Variants in NUP210 observed in about 807,000 individuals in gnomAD.
The protein encoded by NUP210 is nuclear pore membrane glycoprotein 210.
A neutral mutation model predicts 196.0 loss-of-function variants in NUP210; 151 were observed. The observed-to-expected ratio is 0.77, with a 90% CI of 0.67 to 0.88. The LOEUF (loss-of-function observed/expected upper bound fraction) is 0.88, where lower values mean the gene tolerates loss of function less well. NUP210 is among the 40% of genes least tolerant of loss of function. The pLI is 0.00. For missense variants in NUP210, 2,314 were observed against 2,493.7 expected, an observed-to-expected ratio of 0.93 and a Z score of 1.53; for synonymous variants, 1,070 against 1,052.7, an observed-to-expected ratio of 1.02 and a Z score of -0.32.
intron 1 of NUP210, among the ~76,000 whole-genome samples, chr3:13,407,339 C>T (rs1389506747): frequency 1.3e-5 from 2 of 152,158 alleles, no homozygotes; most frequent in African/African-American, 2.4e-5. Flanking sequence ...GAGTTCAAGG[C>T]ATTGTGATTA....
At chr3:13,416,429 G>A (rs1700351270) in intron 1 of NUP210, among the ~76,000 whole-genome samples, 1 of 152,214 alleles carries the variant, frequency 6.6e-6, no homozygotes, top group Non-Finnish European at 1.5e-5. Flanking sequence ...TTCCCCAGGG[G>A]AACCAATGGC....
At position 13,335,492 on chromosome 3, in the gene NUP210, C is replaced by A. The variant is rs1697175172; in HGVS notation, c.3805G>T (p.Gly1269Cys). ...AVDPTSGQLYGLARELSDEIQ... is the reference protein window; with the variant it reads ...AVDPTSGQLYCLARELSDEIQ... Reference sequence around the variant, plus strand: ...TCATCCGAGAGTTCTCTGGCCAGGCCATACAGCTGCCCCGATGTGGGGTCC... The same window carrying A: ...TCATCCGAGAGTTCTCTGGCCAGGCAATACAGCTGCCCCGATGTGGGGTCC... Residue 1269 changes from glycine (G) to cysteine (C), a missense_variant, in exon 28 of 40, where the codon GGC (glycine) becomes TGC (cysteine). Physicochemically the swap from Gly to Cys is radical, Grantham distance 159. Coordinates refer to ENST00000254508, the MANE Select transcript of NUP210 (RefSeq NM_024923.4). 5 of 1,614,100 alleles carry A rather than the reference C, an allele frequency of 3.1e-6. No homozygotes were observed. Among genetic ancestry groups the A allele is most frequent in the Non-Finnish European group, 4.2e-6 (5 of 1,180,020 alleles).
At chr3:13,380,116 T>C (rs1576401590) in intron 6 of NUP210, among the ~76,000 whole-genome samples, 1 of 152,304 alleles carries the variant, frequency 6.6e-6, no homozygotes, top group East Asian at 1.9e-4. Context: ...CAAGAAGCTC[T>C]GGTCACTGGT....
intron 26 of NUP210, chr3:13,337,146 T>A (rs1192716861): frequency 4.6e-6 from 2 of 431,066 alleles, no homozygotes; most frequent in Non-Finnish European, 8.7e-6. Flanking sequence ...CACCTCTCCA[T>A]GGCCAAGATA....
chr3:13,378,466 G>A (rs1257762285), intron 8 of NUP210, among the ~76,000 whole-genome samples: 2 of 152,242 alleles, frequency 1.3e-5, no homozygotes, highest in East Asian at 3.8e-4. Flanking sequence ...CGCAAAAGAA[G>A]CTCTGTCTGA....
chr3:13,377,285 C>T (rs1009634304), intron 9 of NUP210, among the ~76,000 whole-genome samples, 171 bp downstream of exon 9: 2 of 152,166 alleles, frequency 1.3e-5, no homozygotes, highest in Non-Finnish European at 2.9e-5. Context: ...GGAGATGCCC[C>T]GGGATGCCTC....
rs1699484815 is a variant in NUP210 at position 13,391,312 on chromosome 3, A to G, written c.437-5T>C. On this transcript the variant is annotated splice_region_variant and splice_polypyrimidine_tract_variant and intron_variant, in intron 3 of 39. Coordinates refer to ENST00000254508, the MANE Select transcript of NUP210 (RefSeq NM_024923.4). ...CCAGAGTGCTGAAGGTGTTCCCTAT[A>G]AGAGCAGATGGGAGAGGCAGACAGA... 3 of 1,594,388 alleles carry G rather than the reference A, an allele frequency of 1.9e-6. No homozygotes were observed. Among genetic ancestry groups the G allele is most frequent in the East Asian group, 2.3e-5 (1 of 44,186 alleles).
intron 4 of NUP210, among the ~76,000 whole-genome samples, chr3:13,389,200 G>C (rs1699396851): frequency 6.6e-6 from 1 of 152,208 alleles, no homozygotes; most frequent in Non-Finnish European, 1.5e-5. Flanking sequence ...ACAAATCCAG[G>C]ACAATCCAGC....
Position 13,388,735 on chromosome 3 carries a change from G to A in NUP210, c.534-282C>T, listed in dbSNP as rs1699369977. 3.3e-5 allele frequency among the ~76,000 whole-genome samples: 5 copies of A among 152,360 alleles called. No individual in the cohort carries two copies. In the East Asian group the frequency reaches 5.8e-4, roughly 18 times the overall value. ...CATTTTATCCACACGCACACGTGACGTAAATACTAACATGCGAGACCAGCT... is the reference window on the plus strand; with the variant it reads ...CATTTTATCCACACGCACACGTGACATAAATACTAACATGCGAGACCAGCT... On this transcript the variant is annotated intron_variant, in intron 4 of 39. Transcript: ENST00000254508.
Position 13,388,327 on chromosome 3 carries a change from A to C in NUP210, c.660T>G (p.Ala220=). 1.2e-6 allele frequency: 2 copies of C among 1,610,570 alleles called. No individual in the cohort carries two copies. Among genetic ancestry groups the C allele is most frequent in the Non-Finnish European group, 1.7e-6 (2 of 1,178,658 alleles). Reference sequence around the variant, plus strand: ...CCTTGTAGACAGCCTCCTGGATGCGAGCCTTGAGCTTGGAGCTCCCGGTCT... The same window carrying C: ...CCTTGTAGACAGCCTCCTGGATGCGCGCCTTGAGCTTGGAGCTCCCGGTCT... ...GMKTGSSKLK[A]RIQEAVYKNV... The change falls in exon 5 of 40, where the codon GCT becomes GCG. Residue 220 remains alanine (A), a synonymous_variant. Coordinates refer to ENST00000254508, the MANE Select transcript of NUP210 (RefSeq NM_024923.4).
At chr3:13,328,373 C>T (rs1696861069) in intron 31 of NUP210, among the ~76,000 whole-genome samples, 1 of 152,246 alleles carries the variant, frequency 6.6e-6, no homozygotes, top group Non-Finnish European at 1.5e-5. Flanking sequence ...CCAGGCCTGA[C>T]TCTAAACCCC....
intron 31 of NUP210, 90 bp downstream of exon 31, chr3:13,328,681 C>G: frequency 7.9e-7 from 1 of 1,259,026 alleles, no homozygotes; most frequent in Admixed American, 1.8e-5. Context: ...CTTCCTTCAA[C>G]AGCAGCAGAC....
At chr3:13,334,869 G>A (rs947049902) in intron 28 of NUP210, among the ~76,000 whole-genome samples, 7 of 152,172 alleles carry the variant, frequency 4.6e-5, no homozygotes, top group African/African-American at 7.2e-5. Context: ...TGAACAAGGC[G>A]CCTCCCTCTC....
rs1304865372 is a variant in NUP210 at position 13,391,216 on chromosome 3, C to T, written c.528G>A (p.Ala176=). 2.0e-5 allele frequency: 33 copies of T among 1,610,474 alleles called. No homozygotes were observed. Among genetic ancestry groups the T allele is most frequent in the Non-Finnish European group, 2.6e-5 (31 of 1,177,976 alleles). ...EADRFSDSHN[A]LRILTFLEST... is the part of the protein sequence containing the mutation. ...CTAGCAGAGGCACCCCTTACCGCAG[C>T]GCATTGTGGGAGTCTGAGAACCTGT... is the stretch of plus-strand genomic sequence containing the variant. Residue 176 remains alanine (A), a synonymous_variant, in exon 4 of 40, where the codon GCG becomes GCA. Transcript: ENST00000254508.
intron 4 of NUP210, 136 bp from the exon 5 acceptor site, chr3:13,388,589 C>T (rs1163361845): frequency 1.2e-6 from 1 of 864,120 alleles, no homozygotes; most frequent in African/African-American, 1.8e-5. Context: ...CTAGTCAGGG[C>T]TGGGGCTGCC....
At chr3:13,358,429 G>A (rs1280816060) in intron 15 of NUP210, 34 bp from the exon 16 acceptor site, 1 of 1,574,844 alleles carries the variant, frequency 6.3e-7, no homozygotes. Flanking sequence ...AGACCCCCAA[G>A]CTTGAGTTCT....
Position 13,372,851 on chromosome 3 carries a change from G to A in NUP210, c.1588-819C>T, listed in dbSNP as rs115134849. 2.5e-3 allele frequency among the ~76,000 whole-genome samples: 374 copies of A among 152,334 alleles called. 1 individual carries two copies. The highest frequency in any genetic ancestry group is 8.6e-3 in the African/African-American group (359 of 41,580). Reference sequence around the variant, plus strand: ...AACGCACGCTGCCTCCTGAGGAACTGTCCTCAGGATCTGGCTGGGCTGCTG... The same window carrying A: ...AACGCACGCTGCCTCCTGAGGAACTATCCTCAGGATCTGGCTGGGCTGCTG... On this transcript the variant is annotated intron_variant, in intron 12 of 39. Transcript: ENST00000254508.
chr3:13,412,247 T>TTTTTTA (rs1553605356), intron 1 of NUP210, among the ~76,000 whole-genome samples: 1 of 135,646 alleles, frequency 7.4e-6, no homozygotes, highest in Non-Finnish European at 1.5e-5. Flanking sequence ...TTTTTTTTTT[T>TTTTTTA]AGTAGAGACA....
At chr3:13,410,683 C>G (rs1271281298) in intron 1 of NUP210, among the ~76,000 whole-genome samples, 2 of 150,826 alleles carry the variant, frequency 1.3e-5, no homozygotes, top group Admixed American at 6.6e-5. Context: ...TTTGGGAGGC[C>G]GAGGCGGGTG....
Sources: gnomAD v4.1 joint callset for allele counts (sites outside exome capture counted in the v4.1 genomes callset) on GRCh38, gnomAD v4.1.1 for gene constraint, MANE v1.5 for transcripts, NCBI Gene and HGNC (gene_info 2026-07-23, HGNC 2026-07-21) for gene names.